The following WLS variants were observed in gnomAD, a reference collection of about 807,000 sequenced individuals.
WLS encodes the protein protein wntless homolog.
Under a neutral mutation model 62.8 loss-of-function variants are expected in WLS, and 23 were observed. That is an observed-to-expected ratio of 0.37 (90% CI 0.26 to 0.52). The LOEUF (loss-of-function observed/expected upper bound fraction) is 0.52, where lower values mean the gene tolerates loss of function less well. WLS is among the 20% of genes least tolerant of loss of function. The pLI, the probability that WLS is intolerant of heterozygous loss-of-function variation, is 0.92. For missense variants in WLS, 615 were observed against 697.3 expected (o/e 0.88, Z 1.33); for synonymous variants, 246 against 244.1 (o/e 1.01, Z -0.07).
chr1:68,193,740 T>A (rs911659380), intron 2 of WLS: 3 of 569,682 alleles, frequency 5.3e-6, no homozygotes, highest in Non-Finnish European at 9.0e-6. Context: ...AAGTGTTCCA[T>A]CTGTAAAATG....
intron 2 of WLS, among the ~76,000 whole-genome samples, chr1:68,178,567 A>G (rs1352834321): frequency 6.6e-6 from 1 of 152,066 alleles, no homozygotes; most frequent in Non-Finnish European, 1.5e-5. Flanking sequence ...TTAGCTGGGC[A>G]TGGTGGCACA....
intron 2 of WLS, among the ~76,000 whole-genome samples, chr1:68,180,417 G>A (rs978804887): frequency 6.6e-6 from 1 of 152,092 alleles, no homozygotes; most frequent in Non-Finnish European, 1.5e-5. Flanking sequence ...AGATGTTGAG[G>A]AAAAGCTGAG....
intron 11 of WLS, among the ~76,000 whole-genome samples, chr1:68,116,784 ATTTC>A (rs1646297867): frequency 6.6e-6 from 1 of 152,132 alleles, no homozygotes; most frequent in African/African-American, 2.4e-5. Context: ...GAATGAATCT[ATTTC>A]TTTCAAGATA....
chr1:68,110,447 TAA>T (rs546965586), intron 11 of WLS, among the ~76,000 whole-genome samples: 59 of 132,404 alleles, frequency 4.5e-4, no homozygotes, highest in African/African-American at 1.6e-3. Flanking sequence ...AAAGTCTCAA[TAA>T]TTTCAGTGAC....
intron 6 of WLS, among the ~76,000 whole-genome samples, chr1:68,149,379 A>T (rs961348287): frequency 1.3e-5 from 2 of 152,160 alleles, no homozygotes; most frequent in Non-Finnish European, 2.9e-5. Flanking sequence ...AGGACACCTC[A>T]TGGAGAAAGA....
intron 2 of WLS, among the ~76,000 whole-genome samples, chr1:68,187,697 GC>G (rs1648045048): frequency 6.6e-6 from 1 of 151,892 alleles, no homozygotes; most frequent in Non-Finnish European, 1.5e-5. Context: ...TAAACAGGGA[GC>G]TTTCAATACA....
intron 1 of WLS, among the ~76,000 whole-genome samples, chr1:68,198,827 C>T (rs1201679350): frequency 6.6e-6 from 1 of 152,182 alleles, no homozygotes; most frequent in Non-Finnish European, 1.5e-5. Flanking sequence ...ACAGAAAAAT[C>T]CAGTCATCGT....
chr1:68,184,100 G>A (rs764435812), intron 2 of WLS, among the ~76,000 whole-genome samples: 4 of 152,116 alleles, frequency 2.6e-5, no homozygotes, highest in Non-Finnish European at 4.4e-5. Context: ...TTCAACCCCT[G>A]AAACTCCTAG....
intron 5 of WLS, among the ~76,000 whole-genome samples, chr1:68,152,293 CA>C (rs1449230471): frequency 2.0e-5 from 3 of 152,112 alleles, no homozygotes; most frequent in Non-Finnish European, 4.4e-5. Context: ...TAAGAGTCAT[CA>C]GAGAATAGAT....
intron 1 of WLS, among the ~76,000 whole-genome samples, chr1:68,221,006 G>A (rs1649919171): frequency 6.6e-6 from 1 of 152,134 alleles, no homozygotes; most frequent in Admixed American, 6.5e-5. Context: ...GGTATTGGAG[G>A]AATTCTTCTG....
chr1:68,102,990 T>G (rs960138068), intron 11 of WLS, among the ~76,000 whole-genome samples: 6 of 152,170 alleles, frequency 3.9e-5, no homozygotes, highest in Non-Finnish European at 7.3e-5. Context: ...TGAACCCTTT[T>G]TTTTGCCGGG....
intron 2 of WLS, 71 bp downstream of exon 2, chr1:68,193,884 T>C: frequency 6.5e-7 from 1 of 1,539,914 alleles, no homozygotes. Flanking sequence ...TTTATTAGAA[T>C]TGGCTCAAAA....
intron 1 of WLS, among the ~76,000 whole-genome samples, chr1:68,195,180 C>A (rs1276591298): frequency 6.6e-6 from 1 of 152,198 alleles, no homozygotes; most frequent in Non-Finnish European, 1.5e-5. Flanking sequence ...GTTTTGTAGT[C>A]TTTTCTTTTT....
intron 1 of WLS, among the ~76,000 whole-genome samples, chr1:68,201,681 G>C (rs961590906): frequency 6.6e-6 from 1 of 152,180 alleles, no homozygotes; most frequent in Non-Finnish European, 1.5e-5. Context: ...AGTTAGTTAT[G>C]CTAACATCTG....
chr1:68,145,557 A>C (rs2772312), intron 9 of WLS, among the ~76,000 whole-genome samples: 147,203 of 151,988 alleles, frequency 0.97, 71,392 homozygotes, highest in South Asian at 1. Context: ...AATCCCAATT[A>C]TGCCATAGTC....
At chr1:68,162,149 T>C in intron 2 of WLS, 16 of 1,478,060 alleles carry the variant, frequency 1.1e-5, no homozygotes, top group Non-Finnish European at 1.5e-5. Flanking sequence ...CAGATAAGAT[T>C]CGGTGCATCT....
At chr1:68,199,616 G>A (rs1426948004) in intron 1 of WLS, among the ~76,000 whole-genome samples, 2 of 152,152 alleles carry the variant, frequency 1.3e-5, no homozygotes, top group African/African-American at 4.8e-5. Flanking sequence ...TCTTATCTCT[G>A]TGTCCACCCT....
intron 9 of WLS, among the ~76,000 whole-genome samples, chr1:68,144,917 G>T (rs1005179825): frequency 6.6e-6 from 1 of 152,178 alleles, no homozygotes; most frequent in Non-Finnish European, 1.5e-5. Flanking sequence ...ACGTCGTGAG[G>T]CTGCTAATTT....
intron 1 of WLS, among the ~76,000 whole-genome samples, chr1:68,217,336 C>A (rs769487137): frequency 7.2e-5 from 11 of 152,180 alleles, no homozygotes; most frequent in Non-Finnish European, 1.0e-4. Flanking sequence ...TCAATTACCC[C>A]CTTTGGTGCC....
Sources: gnomAD v4.1 joint callset for allele counts (sites outside exome capture counted in the v4.1 genomes callset) on GRCh38, gnomAD v4.1.1 for gene constraint, MANE v1.5 for transcripts, NCBI Gene and HGNC (gene_info 2026-07-23, HGNC 2026-07-21) for gene names.